ANKRD44: variants seen among roughly 807,000 people sequenced by gnomAD.
ANKRD44 encodes serine/threonine-protein phosphatase 6 regulatory ankyrin repeat subunit B.
A neutral mutation model predicts 116.0 loss-of-function variants in ANKRD44; 35 were observed. The observed-to-expected ratio is 0.30, with a 90% CI of 0.23 to 0.40. The LOEUF is 0.40. ANKRD44 is among the 10% of genes least tolerant of loss of function. The pLI, the probability that ANKRD44 is intolerant of heterozygous loss-of-function variation, is 1.00. For synonymous variants in ANKRD44, 435 were observed against 461.8 expected, an observed-to-expected ratio of 0.94 and a Z score of 0.74; for missense variants, 1,014 against 1,242.6, an observed-to-expected ratio of 0.82 and a Z score of 2.77.
intron 1 of ANKRD44, among the ~76,000 whole-genome samples, chr2:197,234,881 G>A (rs1437475671): frequency 2.0e-5 from 3 of 152,140 alleles, no homozygotes; most frequent in Non-Finnish European, 2.9e-5. Context: ...CCCCACTAGT[G>A]ATAAGCATGA....
chr2:197,305,332 A>G (rs1021025450), intron 1 of ANKRD44, among the ~76,000 whole-genome samples: 1 of 152,230 alleles, frequency 6.6e-6, no homozygotes, highest in African/African-American at 2.4e-5. Flanking sequence ...TTATATATTG[A>G]GCTTCAATAT....
intron 1 of ANKRD44, among the ~76,000 whole-genome samples, chr2:197,308,582 G>A (rs910220465): frequency 1.3e-5 from 2 of 151,568 alleles, no homozygotes; most frequent in African/African-American, 2.4e-5. Context: ...AAACGCCTTA[G>A]GTTCTTTTTA....
intron 25 of ANKRD44, among the ~76,000 whole-genome samples, chr2:196,996,675 C>T (rs1018129298): frequency 2.9e-4 from 44 of 151,966 alleles, no homozygotes; most frequent in Non-Finnish European, 5.9e-5. Context: ...GATGCCAAGG[C>T]GGGCGGATCA....
intron 2 of ANKRD44, among the ~76,000 whole-genome samples, chr2:197,155,509 A>C (rs2125469254): frequency 6.6e-6 from 1 of 152,378 alleles, no homozygotes; most frequent in South Asian, 2.1e-4. Flanking sequence ...AACTAACATT[A>C]CCTGATTTCA....
chr2:197,198,914 A>T (rs1210748686), intron 1 of ANKRD44: 1 of 152,268 alleles, frequency 6.6e-6, no homozygotes, highest in Non-Finnish European at 1.5e-5. Context: ...AACTTCTTCC[A>T]CAGGACACAG....
At chr2:197,181,444 T>G (rs946732383) in intron 2 of ANKRD44, among the ~76,000 whole-genome samples, 2 of 152,256 alleles carry the variant, frequency 1.3e-5, no homozygotes, top group African/African-American at 4.8e-5. Context: ...TTTGCTATCA[T>G]GTGAGACTCA....
At chr2:197,153,250 A>G (rs2125457360) in intron 2 of ANKRD44, among the ~76,000 whole-genome samples, 1 of 106,064 alleles carries the variant, frequency 9.4e-6, no homozygotes, top group South Asian at 3.5e-4. Flanking sequence ...AAAAAAAAGA[A>G]GAAACAAGAA....
intron 4 of ANKRD44, among the ~76,000 whole-genome samples, chr2:197,127,625 C>T (rs1426171078): frequency 1.3e-5 from 2 of 152,036 alleles, no homozygotes; most frequent in East Asian, 1.9e-4. Flanking sequence ...CTGAACACTT[C>T]CTGAATCAAG....
intron 4 of ANKRD44, chr2:197,135,874 C>A: frequency 1.3e-5 from 2 of 152,718 alleles, no homozygotes; most frequent in Non-Finnish European, 2.9e-5. Context: ...AATGAGCTCT[C>A]AAATCATGGA....
At chr2:197,304,971 G>A (rs763241696) in intron 1 of ANKRD44, among the ~76,000 whole-genome samples, 1 of 152,202 alleles carries the variant, frequency 6.6e-6, no homozygotes, top group Non-Finnish European at 1.5e-5. Flanking sequence ...TGTCAAGCCT[G>A]TGGTGAGCAA....
chr2:197,241,037 A>G (rs922271190), intron 1 of ANKRD44, among the ~76,000 whole-genome samples: 1 of 152,032 alleles, frequency 6.6e-6, no homozygotes, highest in African/African-American at 2.4e-5. Context: ...GCCCACAGTA[A>G]TCATGCATTT....
chr2:197,196,593 T>A (rs1431848271), intron 1 of ANKRD44, among the ~76,000 whole-genome samples: 1 of 152,146 alleles, frequency 6.6e-6, no homozygotes, highest in Non-Finnish European at 1.5e-5. Context: ...AAATGAAAGG[T>A]ACTCTCAGAA....
At chr2:197,132,540 C>T (rs928864578) in intron 4 of ANKRD44, among the ~76,000 whole-genome samples, 2 of 152,148 alleles carry the variant, frequency 1.3e-5, no homozygotes, top group Non-Finnish European at 2.9e-5. Flanking sequence ...GAAAACAAGG[C>T]TCCAAAATTT....
chr2:197,272,324 C>T (rs771178808), intron 1 of ANKRD44, among the ~76,000 whole-genome samples: 2 of 152,146 alleles, frequency 1.3e-5, no homozygotes, highest in Non-Finnish European at 2.9e-5. Context: ...CTGCAACCTC[C>T]GCCTCCCGGG....
intron 10 of ANKRD44, 23 bp downstream of exon 10, chr2:197,099,793 A>G: frequency 6.2e-7 from 1 of 1,613,262 alleles, no homozygotes; most frequent in South Asian, 1.1e-5. Flanking sequence ...CAATTATTCC[A>G]CCGTATTTTT....
chr2:197,209,643 A>C lies in ANKRD44; in HGVS notation c.28-22537T>G, dbSNP rs181772618. The stretch of plus-strand genomic sequence containing the variant: ...GAGAAATCTGGATGATCCACCAGTT[A>C]TGTCATCAGTTAACTTTTAATTTCA... On this transcript the variant is annotated intron_variant, in intron 1 of 27. Coordinates refer to ENST00000282272, the MANE Select transcript of ANKRD44 (RefSeq NM_001195144.2). Among the ~76,000 whole-genome samples, 3 of 152,342 alleles carry C rather than the reference A, an allele frequency of 2.0e-5. No individual in the cohort carries two copies. In the East Asian group the frequency reaches 5.8e-4, roughly 29 times the overall value.
At chr2:197,246,189 T>C (rs751336589) in intron 1 of ANKRD44, among the ~76,000 whole-genome samples, 1 of 151,770 alleles carries the variant, frequency 6.6e-6, no homozygotes, top group African/African-American at 2.4e-5. Context: ...TTTTTATTTA[T>C]TTTATTTATT....
chr2:197,273,802 T>C (rs1243617227), intron 1 of ANKRD44, among the ~76,000 whole-genome samples: 3 of 151,698 alleles, frequency 2.0e-5, no homozygotes, highest in Admixed American at 6.6e-5. Flanking sequence ...GAACAACCTA[T>C]AAGGAAAATC....
intron 16 of ANKRD44, among the ~76,000 whole-genome samples, chr2:197,077,507 T>C (rs2077696144): frequency 6.6e-6 from 1 of 152,202 alleles, no homozygotes; most frequent in African/African-American, 2.4e-5. Context: ...GGGTTGTGTT[T>C]TGTTTTGATT....
Sources: gnomAD v4.1 joint callset for allele counts (sites outside exome capture counted in the v4.1 genomes callset) on GRCh38, gnomAD v4.1.1 for gene constraint, MANE v1.5 for transcripts, NCBI Gene and HGNC (gene_info 2026-07-23, HGNC 2026-07-21) for gene names.